DCLK2: variants seen among roughly 807,000 people sequenced by gnomAD.
DCLK2 encodes the protein serine/threonine-protein kinase DCLK2.
A neutral mutation model predicts 78.4 loss-of-function variants in DCLK2; 31 were observed. The ratio of observed to expected loss-of-function variants is 0.40; its 90% CI spans 0.30 to 0.53. DCLK2 has a LOEUF of 0.53. DCLK2 is among the 20% of genes least tolerant of loss of function. The pLI, the probability that DCLK2 is intolerant of heterozygous loss-of-function variation, is 0.61. For missense variants in DCLK2, 872 were observed against 973.7 expected (o/e 0.90, Z 1.39); for synonymous variants, 407 against 374.9 (o/e 1.09, Z -0.99).
intron 2 of DCLK2, among the ~76,000 whole-genome samples, chr4:150,140,830 T>C (rs953514793): frequency 6.6e-6 from 1 of 152,250 alleles, no homozygotes; most frequent in African/African-American, 2.4e-5. Context: ...AAATATGTAC[T>C]AGATTATAAC....
At chr4:150,206,561 T>G (rs904025393) in intron 5 of DCLK2, among the ~76,000 whole-genome samples, 2 of 152,184 alleles carry the variant, frequency 1.3e-5, no homozygotes, top group Non-Finnish European at 2.9e-5. Context: ...CTTTTTCTTA[T>G]CTGTAAAACA....
chr4:150,199,514 A>G (rs887483693), intron 4 of DCLK2, among the ~76,000 whole-genome samples: 3 of 152,244 alleles, frequency 2.0e-5, no homozygotes, highest in Admixed American at 2.0e-4. Flanking sequence ...TTAGTACTTC[A>G]TAATAGCATA....
At chr4:150,168,190 A>T (rs1277228563) in intron 2 of DCLK2, among the ~76,000 whole-genome samples, 3 of 152,074 alleles carry the variant, frequency 2.0e-5, no homozygotes, top group East Asian at 1.9e-4. Context: ...AAAAATACAA[A>T]AAATTAGCTG....
chr4:150,078,962 G>C lies in DCLK2; in HGVS notation c.-66G>C. On this transcript the variant is annotated 5_prime_UTR_variant, in exon 1 of 16. Coordinates refer to ENST00000296550, the MANE Select transcript of DCLK2 (RefSeq NM_001040260.4). ...AGGGCCCTCGCAGTCAGACGTCCCT[G>C]CACCGGCGCTCGCACCCTTAGTCGG... The C allele has an allele frequency of 6.8e-7, 1 of 1,466,480 alleles. No individual in the cohort carries two copies. Among genetic ancestry groups the C allele is most frequent in the Non-Finnish European group, 9.0e-7 (1 of 1,109,258 alleles). 90.8% of individuals were successfully genotyped at this position (1,466,480 alleles called of 1,614,324 possible).
At chr4:150,112,090 A>G (rs1370762673) in intron 2 of DCLK2, among the ~76,000 whole-genome samples, 3 of 152,166 alleles carry the variant, frequency 2.0e-5, no homozygotes, top group Non-Finnish European at 4.4e-5. Context: ...CTTCCAATCC[A>G]TGAGCATGGT....
Position 150,078,955 on chromosome 4 carries a change from C to T in DCLK2, c.-73C>T. 7 of 1,429,672 alleles carry T rather than the reference C, an allele frequency of 4.9e-6. No individual in the cohort carries two copies. Among genetic ancestry groups the T allele is most frequent in the Non-Finnish European group, 6.4e-6 (7 of 1,088,538 alleles). The allele number at this position is 1,429,672 out of a possible 1,614,324, so 88.6% of individuals were successfully genotyped here. A position where few individuals can be genotyped will look rare whatever the true frequency, so the allele number is the denominator to read the frequency against. ...CGCGTTAAGGGCCCTCGCAGTCAGA[C>T]GTCCCTGCACCGGCGCTCGCACCCT... is the stretch of plus-strand genomic sequence containing the variant. On this transcript the variant is annotated 5_prime_UTR_variant, in exon 1 of 16. In the 5' UTR this introduces an upstream ATG that the reference lacks. Coordinates refer to ENST00000296550, the MANE Select transcript of DCLK2 (RefSeq NM_001040260.4).
At chr4:150,090,762 C>T (rs1265332887) in intron 1 of DCLK2, among the ~76,000 whole-genome samples, 3 of 152,042 alleles carry the variant, frequency 2.0e-5, no homozygotes, top group South Asian at 2.1e-4. Flanking sequence ...GATTTTGTAC[C>T]CCCTTCTCGG....
chr4:150,102,073 T>A (rs988328166), intron 1 of DCLK2, among the ~76,000 whole-genome samples: 7 of 152,230 alleles, frequency 4.6e-5, no homozygotes, highest in African/African-American at 1.7e-4. Flanking sequence ...TGTTGTGATA[T>A]AATTATTTCT....
At chr4:150,137,897 T>C (rs183703234) in intron 2 of DCLK2, among the ~76,000 whole-genome samples, 31 of 152,334 alleles carry the variant, frequency 2.0e-4, no homozygotes, top group African/African-American at 7.0e-4. Flanking sequence ...AATGAAGTTA[T>C]CAGATCCTAA....
chr4:150,175,110 ATTTATATTT>A lies in DCLK2; in HGVS notation c.757-18020_757-18012del, dbSNP rs1736929862. Among the ~76,000 whole-genome samples the A allele has an allele frequency of 3.7e-5, 3 of 81,582 alleles. 1 individual carries two copies. Among genetic ancestry groups the A allele is most frequent in the African/African-American group, 1.9e-4 (3 of 15,704 alleles). The allele number at this position is 81,582 out of a possible 152,430, so 53.5% of individuals were successfully genotyped here. Reference sequence around the variant, plus strand: ...TATATATATTTATATATATTTATATATTTATATTTTTTATATATATATAATTTATGTATA... The same window carrying A: ...TATATATATTTATATATATTTATATATTTATATATATATAATTTATGTATA... On this transcript the variant is annotated intron_variant, in intron 2 of 15. Coordinates refer to ENST00000296550, the MANE Select transcript of DCLK2 (RefSeq NM_001040260.4).
At chr4:150,163,639 A>G (rs1307170648) in intron 2 of DCLK2, among the ~76,000 whole-genome samples, 1 of 152,214 alleles carries the variant, frequency 6.6e-6, no homozygotes, top group Non-Finnish European at 1.5e-5. Context: ...GATACTATCT[A>G]GAAAATATTC....
chr4:150,180,776 T>TAC (rs1737453188), intron 2 of DCLK2, among the ~76,000 whole-genome samples: 1 of 152,116 alleles, frequency 6.6e-6, no homozygotes, highest in Non-Finnish European at 1.5e-5. Flanking sequence ...TTCCCCAAGG[T>TAC]GGGTCGTAGA....
intron 1 of DCLK2, among the ~76,000 whole-genome samples, chr4:150,100,119 C>G (rs1049851076): frequency 6.6e-6 from 1 of 152,092 alleles, no homozygotes; most frequent in African/African-American, 2.4e-5. Flanking sequence ...TGCTATGTTG[C>G]CCAGACCTGT....
chr4:150,252,998 G>C (rs1744287792), intron 15 of DCLK2, among the ~76,000 whole-genome samples: 1 of 152,144 alleles, frequency 6.6e-6, no homozygotes, highest in Non-Finnish European at 1.5e-5. Flanking sequence ...AAGGCCTGCT[G>C]CTGATCCTCC....
rs1736867058 is a variant in DCLK2, at chr4:150,175,014, A to ATG, written c.757-18123_757-18122insGT. Among the ~76,000 whole-genome samples the ATG allele has an allele frequency of 5.6e-5, 2 of 35,908 alleles. 1 individual carries two copies. The highest frequency in any genetic ancestry group is 2.3e-4 in the African/African-American group (2 of 8,588). 23.6% of individuals were successfully genotyped at this position (35,908 alleles called of 152,430 possible). A position where few individuals can be genotyped will look rare whatever the true frequency, so the allele number is the denominator to read the frequency against. Reference sequence around the variant, plus strand: ...CTCCGTCGCAAAAAAAAAAAAAAATATATATATATATATATATATTTATAT... The same window carrying ATG: ...CTCCGTCGCAAAAAAAAAAAAAAATATGTATATATATATATATATATTTATAT... On this transcript the variant is annotated intron_variant, in intron 2 of 15. Transcript: ENST00000296550.
At chr4:150,181,944 T>C (rs1737560682) in intron 2 of DCLK2, among the ~76,000 whole-genome samples, 1 of 152,194 alleles carries the variant, frequency 6.6e-6, no homozygotes, top group Admixed American at 6.5e-5. Flanking sequence ...CTTACTGACC[T>C]GTGAATTTGT....
chr4:150,151,305 G>A (rs1303250299), intron 2 of DCLK2, among the ~76,000 whole-genome samples: 2 of 152,154 alleles, frequency 1.3e-5, no homozygotes, highest in Non-Finnish European at 2.9e-5. Flanking sequence ...GTGAATGATG[G>A]GTCTGGGGAA....
At chr4:150,231,660 G>A (rs995699435) in intron 8 of DCLK2, among the ~76,000 whole-genome samples, 28 of 152,176 alleles carry the variant, frequency 1.8e-4, no homozygotes, top group African/African-American at 6.5e-4. Context: ...TACTCACCAG[G>A]ATTGATAATC....
chr4:150,152,456 A>G (rs577622787), intron 2 of DCLK2, among the ~76,000 whole-genome samples: 180 of 152,178 alleles, frequency 1.2e-3, no homozygotes, highest in African/African-American at 3.9e-3. Flanking sequence ...TAATTTTTGT[A>G]TCTTTAGTAG....
Sources: allele counts gnomAD v4.1 joint callset (sites outside exome capture counted in the v4.1 genomes callset), GRCh38; gene constraint gnomAD v4.1.1; transcripts MANE v1.5; gene names NCBI Gene and HGNC (gene_info 2026-07-23, HGNC 2026-07-21).